The following ERP27 variants were observed in gnomAD, a reference collection of about 807,000 sequenced individuals.
ERP27 encodes endoplasmic reticulum protein 27.
ERP27 carries 23 observed loss-of-function variants against 27.7 expected under a neutral mutation model. The ratio of observed to expected loss-of-function variants is 0.83; its 90% CI spans 0.60 to 1.18. The LOEUF is 1.18. ERP27 is among the 50% of genes most tolerant of loss of function. The pLI is 0.00. For synonymous variants in ERP27, 159 were observed against 118.3 expected (o/e 1.34, Z -2.23); for missense variants, 363 against 327.9 (o/e 1.11, Z -0.83).
chr12:14,917,234 C>T lies in ERP27; in HGVS notation c.520G>A (p.Glu174Lys). The T allele has an allele frequency of 6.2e-7, 1 of 1,614,114 alleles. No homozygotes were observed. Among genetic ancestry groups the T allele is most frequent in the Non-Finnish European group, 8.5e-7 (1 of 1,180,024 alleles). The part of the protein sequence containing the change: ...LLLIMNKASP[E>K]YEENMHRYQK... ...TATCTGTGCATGTTCTCTTCATACT[C>T]TGGGGAGGCCTTGTTCATTATCAGG... The change falls in exon 5 of 7, where the codon GAG (glutamate) becomes AAG (lysine). Residue 174 changes from glutamate to lysine, a missense_variant. Transcript: ENST00000266397.
chr12:14,929,105 C>A, intron 3 of ERP27: 1 of 1,509,336 alleles, frequency 6.6e-7, no homozygotes, highest in Non-Finnish European at 8.8e-7. Context: ...GGTGCCTGCA[C>A]CTCAGCTCAC....
intron 3 of ERP27, among the ~76,000 whole-genome samples, chr12:14,927,039 G>C (rs1045950848): frequency 1.4e-4 from 21 of 152,030 alleles, no homozygotes; most frequent in African/African-American, 5.1e-4. Context: ...TTTGCTGGGG[G>C]TAGAATTCTA....
chr12:14,923,768 A>C (rs555160921), intron 3 of ERP27, among the ~76,000 whole-genome samples: 119 of 152,274 alleles, frequency 7.8e-4, no homozygotes, highest in Middle Eastern at 3.4e-3. Context: ...GTATAGTGTG[A>C]TGTTTCAATA....
chr12:14,923,497 ATCTATCTATCT>A, intron 3 of ERP27, among the ~76,000 whole-genome samples: 1 of 147,326 alleles, frequency 6.8e-6, no homozygotes, highest in South Asian at 2.1e-4. Flanking sequence ...TAATCAATCT[ATCTATCTATCT>A]ATCTATCTAT....
intron 4 of ERP27, among the ~76,000 whole-genome samples, chr12:14,920,296 G>A (rs1863481336): frequency 6.6e-6 from 1 of 152,218 alleles, no homozygotes; most frequent in South Asian, 2.1e-4. Flanking sequence ...GAGGCATGGT[G>A]AGGGTGTAGG....
chr12:14,923,655 G>A (rs1322369827), intron 3 of ERP27, among the ~76,000 whole-genome samples: 1 of 151,848 alleles, frequency 6.6e-6, no homozygotes, highest in Admixed American at 6.6e-5. Context: ...TATTGTTATT[G>A]ACAAATTGAT....
rs1356072166 is a variant in ERP27, at chr12:14,915,471, CT to C, written c.774+17del. ...ATAGAAAGAAAACAATTTGCTTTAC[CT>C]GCAGTCTCACACTTACCAACAATTT... On this transcript the variant is annotated intron_variant, in intron 6 of 6. Coordinates refer to ENST00000266397, the MANE Select transcript of ERP27 (RefSeq NM_152321.4). 1 of 1,607,998 alleles carries C rather than the reference CT, an allele frequency of 6.2e-7. No individual in the cohort carries two copies. Among genetic ancestry groups the C allele is most frequent in the Admixed American group, 1.7e-5 (1 of 59,796 alleles).
chr12:14,936,220 T>A (rs1565454759), intron 2 of ERP27, among the ~76,000 whole-genome samples: 1 of 152,086 alleles, frequency 6.6e-6, no homozygotes, highest in African/African-American at 2.4e-5. Flanking sequence ...ATAAAACAAT[T>A]AAAATGAAAG....
intron 3 of ERP27, among the ~76,000 whole-genome samples, chr12:14,927,384 A>G (rs1863620105): frequency 6.6e-6 from 1 of 151,754 alleles, no homozygotes; most frequent in South Asian, 2.1e-4. Flanking sequence ...CTCTAATTCA[A>G]TTTCAGGGGC....
chr12:14,918,551 T>C (rs1335246925), intron 4 of ERP27, among the ~76,000 whole-genome samples: 2 of 150,554 alleles, frequency 1.3e-5, no homozygotes, highest in East Asian at 3.9e-4. Flanking sequence ...TTCAAACCAA[T>C]CTCATCTCTT....
At position 14,937,355 on chromosome 12, in the gene ERP27, A is replaced by G. The variant is rs573230087; in HGVS notation, c.195+597T>C. Among the ~76,000 whole-genome samples, 5 of 152,336 alleles carry G rather than the reference A, an allele frequency of 3.3e-5. No homozygotes were observed. The South Asian group carries it at 6.2e-4, about 19-fold the overall frequency. On this transcript the variant is annotated intron_variant, in intron 2 of 6. Transcript: ENST00000266397. ...AAAGATGAAAATGCTGGAATGAGGC[A>G]GTCTCATTTATGGCTGCCTTTCTTA...
chr12:14,923,781 T>C (rs1256591465), intron 3 of ERP27, among the ~76,000 whole-genome samples: 1 of 152,216 alleles, frequency 6.6e-6, no homozygotes, highest in Non-Finnish European at 1.5e-5. Context: ...TTTCAATACA[T>C]GTATACATTG....
intron 3 of ERP27, chr12:14,929,196 A>G: frequency 1.6e-6 from 2 of 1,287,608 alleles, no homozygotes; most frequent in Non-Finnish European, 2.0e-6. Context: ...AACAGGGAGA[A>G]CAAGAAAAGC....
intron 3 of ERP27, chr12:14,929,008 A>G: frequency 6.5e-7 from 1 of 1,535,150 alleles, no homozygotes; most frequent in Non-Finnish European, 8.7e-7. Flanking sequence ...CACCAAAATC[A>G]TCATCATTAT....
chr12:14,915,585 C>T lies in ERP27; in HGVS notation c.678G>A (p.Gln226=). The T allele has an allele frequency of 1.2e-6, 2 of 1,614,206 alleles. No individual in the cohort carries two copies. Among genetic ancestry groups the T allele is most frequent in the Non-Finnish European group, 1.7e-6 (2 of 1,180,040 alleles). ...ESQLPALAIY[Q]TLDDEWDTLP... ...GTGTATCCCACTCGTCATCTAGAGTCTGGTAAATTGCCAAAGCTGGCAGTT... is the reference window on the plus strand; with the variant it reads ...GTGTATCCCACTCGTCATCTAGAGTTTGGTAAATTGCCAAAGCTGGCAGTT... The change falls in exon 6 of 7, where the codon CAG becomes CAA. Residue 226 remains glutamine (Q), a synonymous_variant. Coordinates refer to ENST00000266397, the MANE Select transcript of ERP27 (RefSeq NM_152321.4).
At chr12:14,920,101 G>A (rs979207087) in intron 4 of ERP27, among the ~76,000 whole-genome samples, 4 of 152,206 alleles carry the variant, frequency 2.6e-5, no homozygotes, top group African/African-American at 9.7e-5. Context: ...TTAATACCCT[G>A]TAAGGTTCTG....
At chr12:14,916,793 C>T (rs1418157238) in intron 5 of ERP27, among the ~76,000 whole-genome samples, 1 of 152,048 alleles carries the variant, frequency 6.6e-6, no homozygotes, top group Non-Finnish European at 1.5e-5. Flanking sequence ...ATTGAGCAGG[C>T]ACCAGGTACT....
chr12:14,925,722 T>A (rs1863589856), intron 3 of ERP27, among the ~76,000 whole-genome samples: 1 of 152,230 alleles, frequency 6.6e-6, no homozygotes, highest in South Asian at 2.1e-4. Flanking sequence ...TGGTGAATTT[T>A]ATAGTTGAAA....
At chr12:14,929,014 A>G (rs1863656390) in intron 3 of ERP27, 1 of 1,535,078 alleles carries the variant, frequency 6.5e-7, no homozygotes, top group East Asian at 2.4e-5. Context: ...AATCATCATC[A>G]TTATCATCAT....
Sources: gnomAD v4.1 joint callset for allele counts (sites outside exome capture counted in the v4.1 genomes callset) on GRCh38, gnomAD v4.1.1 for gene constraint, MANE v1.5 for transcripts, NCBI Gene and HGNC (gene_info 2026-07-23, HGNC 2026-07-21) for gene names.